CDH8: variants seen among roughly 807,000 people sequenced by gnomAD.
CDH8 encodes cadherin 8, also known as cadherin-8.
In CDH8, 17 loss-of-function variants were observed where a neutral mutation model predicts 68.1. The observed-to-expected ratio is 0.25, with a 90% confidence interval of 0.17 to 0.37. The LOEUF is 0.37. Ranked by LOEUF, CDH8 falls within the 10% of genes least tolerant of loss-of-function variation. The pLI, the probability that CDH8 is intolerant of heterozygous loss-of-function variation, is 1.00. For synonymous variants in CDH8, 372 were observed against 365.1 expected (o/e 1.02, Z -0.21); for missense variants, 763 against 999.3 (o/e 0.76, Z 3.19).
At chr16:61,757,405 AAAT>A (rs1960349534) in intron 8 of CDH8, among the ~76,000 whole-genome samples, 1 of 152,070 alleles carries the variant, frequency 6.6e-6, no homozygotes, top group African/African-American at 2.4e-5. Context: ...CTTAATGATA[AAAT>A]ATTATCATTT....
chr16:61,835,858 T>C (rs1962558057), intron 4 of CDH8, among the ~76,000 whole-genome samples: 1 of 151,916 alleles, frequency 6.6e-6, no homozygotes, highest in Non-Finnish European at 1.5e-5. Context: ...ACAGCAGAGT[T>C]GTAGAGAGAA....
rs1389893767 is a variant in CDH8, at chr16:61,768,388, CTCTCTCCCTT to C, written c.1414+20948_1414+20957del. 1.1e-3 allele frequency among the ~76,000 whole-genome samples: 89 copies of C among 84,670 alleles called. 3 individuals carry two copies. Among genetic ancestry groups the C allele is most frequent in the African/African-American group, 1.6e-3 (29 of 18,240 alleles). 55.5% of individuals were successfully genotyped at this position (84,670 alleles called of 152,430 possible). A position where few individuals can be genotyped will look rare whatever the true frequency, so the allele number is the denominator to read the frequency against. ...TCTCTCCCTTTCTCTCTCTCTCTCTCTCTCTCCCTTTCTCTCTCTCTCTCTCTCTCTCTCT... is the reference window on the plus strand; with the variant it reads ...TCTCTCCCTTTCTCTCTCTCTCTCTCTCTCTCTCTCTCTCTCTCTCTCTCT... On this transcript the variant is annotated intron_variant, in intron 8 of 11. Coordinates refer to ENST00000577390, the MANE Select transcript of CDH8 (RefSeq NM_001796.5).
At chr16:61,974,207 A>G (rs1044782744) in intron 2 of CDH8, among the ~76,000 whole-genome samples, 3 of 152,222 alleles carry the variant, frequency 2.0e-5, no homozygotes, top group Non-Finnish European at 4.4e-5. Flanking sequence ...TTCTATGGAA[A>G]AAAAAGCTTT....
rs181058868 is a variant in CDH8, at chr16:61,993,388, C to T, written c.252+27764G>A. 2.1e-4 allele frequency among the ~76,000 whole-genome samples: 32 copies of T among 150,854 alleles called. No homozygotes were observed. The East Asian group carries it at 4.1e-3, about 20-fold the overall frequency. On this transcript the variant is annotated intron_variant, in intron 2 of 11. Coordinates refer to ENST00000577390, the MANE Select transcript of CDH8 (RefSeq NM_001796.5). ...AGGCTGGAGTGTAATGGTGTGATCT[C>T]GGCTCACAGCAACTTCTGCCTCCCG...
rs575737989 is a variant in CDH8 at position 61,647,618 on chromosome 16, T to A, written c.*5990A>T. 141 of 557,078 alleles carry A rather than the reference T, an allele frequency of 2.5e-4. No homozygotes were observed. The highest frequency in any genetic ancestry group is 3.9e-4 in the Non-Finnish European group (124 of 314,022). 34.5% of individuals were successfully genotyped at this position (557,078 alleles called of 1,614,324 possible). A position where few individuals can be genotyped will look rare whatever the true frequency, so the allele number is the denominator to read the frequency against. ...AATCCCAAGAAATTAACATTTGGCT[T>A]TGGGGGGTGATCCCAATGACTCCTA... On this transcript the variant is annotated 3_prime_UTR_variant, in exon 12 of 12. Transcript: ENST00000577390.
At chr16:61,858,310 G>A (rs1015170870) in intron 3 of CDH8, among the ~76,000 whole-genome samples, 1 of 152,166 alleles carries the variant, frequency 6.6e-6, no homozygotes, top group African/African-American at 2.4e-5. Flanking sequence ...GTTTAACCAG[G>A]AGAAGGAATT....
chr16:61,755,792 C>T lies in CDH8; in HGVS notation c.1415-28577G>A, dbSNP rs141180077. Among the ~76,000 whole-genome samples, 43 of 148,424 alleles carry T rather than the reference C, an allele frequency of 2.9e-4. 1 individual carries two copies. In the East Asian group the frequency reaches 8.0e-3, roughly 28 times the overall value. On this transcript the variant is annotated intron_variant, in intron 8 of 11. Coordinates refer to ENST00000577390, the MANE Select transcript of CDH8 (RefSeq NM_001796.5). The stretch of plus-strand genomic sequence containing the variant: ...TTCTCCTTCTCCTTCTCCTTCTCCG[C>T]CTTCTTCTTCTTCTTCTCCTTCTTC...
chr16:62,007,399 A>G (rs1423994344), intron 2 of CDH8, among the ~76,000 whole-genome samples: 1 of 152,202 alleles, frequency 6.6e-6, no homozygotes, highest in African/African-American at 2.4e-5. Context: ...AATGGCCATG[A>G]TTTACCTTCT....
intron 10 of CDH8, among the ~76,000 whole-genome samples, chr16:61,662,077 T>A (rs1287223039): frequency 6.9e-6 from 1 of 144,440 alleles, no homozygotes; most frequent in Non-Finnish European, 1.5e-5. Context: ...TTTACTTTAG[T>A]TTTACTTTAG....
chr16:61,784,817 C>T (rs1242651647), intron 8 of CDH8, among the ~76,000 whole-genome samples: 2 of 152,114 alleles, frequency 1.3e-5, no homozygotes, highest in East Asian at 3.9e-4. Context: ...GGAAACTGAA[C>T]AACCTGCTCC....
intron 3 of CDH8, among the ~76,000 whole-genome samples, chr16:61,900,297 A>G (rs1057290681): frequency 6.6e-6 from 1 of 152,144 alleles, no homozygotes; most frequent in African/African-American, 2.4e-5. Flanking sequence ...ACTTTACTAC[A>G]TAGCATGCAC....
chr16:61,675,453 G>A (rs1963884201), intron 10 of CDH8, among the ~76,000 whole-genome samples: 1 of 114,638 alleles, frequency 8.7e-6, no homozygotes. Context: ...CTGTGGTGGG[G>A]TGGGGGGAGG....
intron 2 of CDH8, among the ~76,000 whole-genome samples, chr16:61,972,571 G>GGGTGTGTGTGTGTGTGTGT (rs369833002): frequency 4.1e-4 from 54 of 131,542 alleles, no homozygotes; most frequent in African/African-American, 1.4e-3. Flanking sequence ...ACACATTGTG[G>GGGTGTGTGTGTGTGTGTGT]GTGTGTGTGT....
At chr16:61,883,032 A>G (rs1258946437) in intron 3 of CDH8, among the ~76,000 whole-genome samples, 1 of 152,156 alleles carries the variant, frequency 6.6e-6, no homozygotes, top group Non-Finnish European at 1.5e-5. Context: ...GATCATCATC[A>G]TTTCTGTTAT....
At chr16:61,914,382 C>T (rs528567977) in intron 2 of CDH8, among the ~76,000 whole-genome samples, 1 of 152,216 alleles carries the variant, frequency 6.6e-6, no homozygotes, top group African/African-American at 2.4e-5. Flanking sequence ...AGATATGATT[C>T]TAGGTGTGGT....
chr16:61,849,956 T>A (rs1200802495), intron 4 of CDH8, among the ~76,000 whole-genome samples: 1 of 152,136 alleles, frequency 6.6e-6, no homozygotes, highest in Non-Finnish European at 1.5e-5. Flanking sequence ...GGACATATAT[T>A]TTTTCAATAT....
intron 1 of CDH8, among the ~76,000 whole-genome samples, chr16:62,033,738 G>A (rs148124925): frequency 0.011 from 1,694 of 152,166 alleles, 28 homozygotes; most frequent in Middle Eastern, 0.017. Context: ...GGGAGTGTGG[G>A]GATCAGAATG....
At chr16:61,841,341 C>T (rs1285124356) in intron 4 of CDH8, among the ~76,000 whole-genome samples, 1 of 152,086 alleles carries the variant, frequency 6.6e-6, no homozygotes, top group Non-Finnish European at 1.5e-5. Flanking sequence ...TACTATTCAG[C>T]CATAAAAAGA....
chr16:61,879,994 C>T (rs1026371370), intron 3 of CDH8, among the ~76,000 whole-genome samples: 2 of 151,890 alleles, frequency 1.3e-5, no homozygotes, highest in Non-Finnish European at 2.9e-5. Flanking sequence ...GGTGCCATCT[C>T]GGCTCACTGC....
Sources: gnomAD v4.1 joint callset for allele counts (sites outside exome capture counted in the v4.1 genomes callset) on GRCh38, gnomAD v4.1.1 for gene constraint, MANE v1.5 for transcripts, NCBI Gene and HGNC (gene_info 2026-07-23, HGNC 2026-07-21) for gene names.